HDAC9: variants seen among roughly 807,000 people sequenced by gnomAD.
HDAC9 encodes histone deacetylase 9.
In HDAC9, 41 loss-of-function variants were observed where a neutral mutation model predicts 139.4. The observed-to-expected ratio is 0.29, with a 90% CI of 0.23 to 0.38. The LOEUF (loss-of-function observed/expected upper bound fraction) is 0.38. Among genes scored for constraint, HDAC9 ranks in the 10% least tolerant of loss-of-function variants. The pLI is 1.00. For synonymous variants in HDAC9, 517 were observed against 476.2 expected (o/e 1.09, Z -1.12); for missense variants, 1,147 against 1,297.0 (o/e 0.88, Z 1.78).
At chr7:18,126,014 C>A (rs192435359) in intron 1 of HDAC9, among the ~76,000 whole-genome samples, 3 of 152,188 alleles carry the variant, frequency 2.0e-5, no homozygotes, top group African/African-American at 7.2e-5. Flanking sequence ...TTCCTTCTTT[C>A]ATCTAGGAGA....
At chr7:18,190,269 G>C (rs754234488) in intron 2 of HDAC9, among the ~76,000 whole-genome samples, 1 of 152,090 alleles carries the variant, frequency 6.6e-6, no homozygotes, top group African/African-American at 2.4e-5. Flanking sequence ...TAGCTCATAT[G>C]TGATTGTCCA....
chr7:18,376,998 TAAAG>T, intron 1 of HDAC9, among the ~76,000 whole-genome samples: 1 of 152,252 alleles, frequency 6.6e-6, no homozygotes, highest in Non-Finnish European at 1.5e-5. Context: ...ATTGATGAAT[TAAAG>T]AGACTGTAAA....
intron 1 of HDAC9, among the ~76,000 whole-genome samples, chr7:18,113,702 A>G (rs1783778698): frequency 6.6e-6 from 1 of 152,242 alleles, no homozygotes; most frequent in African/African-American, 2.4e-5. Context: ...AGAAATGCAT[A>G]ACATTTTGCT....
intron 12 of HDAC9, among the ~76,000 whole-genome samples, chr7:18,719,941 C>G (rs1785018321): frequency 6.6e-6 from 1 of 152,162 alleles, no homozygotes; most frequent in African/African-American, 2.4e-5. Context: ...TGTTGAAAAT[C>G]AATTCATCGT....
intron 1 of HDAC9, among the ~76,000 whole-genome samples, chr7:18,410,824 G>T (rs1372230948): frequency 6.6e-6 from 1 of 152,072 alleles, no homozygotes; most frequent in Non-Finnish European, 1.5e-5. Context: ...AATTGTGTAT[G>T]TACTCCAAAT....
At chr7:18,390,794 A>G (rs530977499) in intron 1 of HDAC9, among the ~76,000 whole-genome samples, 1 of 152,326 alleles carries the variant, frequency 6.6e-6, no homozygotes, top group African/African-American at 2.4e-5. Flanking sequence ...AAGATTAGAA[A>G]ACATTGTGTT....
intron 13 of HDAC9, among the ~76,000 whole-genome samples, chr7:18,736,149 T>C (rs918161622): frequency 6.6e-6 from 1 of 152,064 alleles, no homozygotes; most frequent in Admixed American, 6.6e-5. Flanking sequence ...GACGATAGGG[T>C]TTTCTAAATA....
At chr7:18,889,441 TA>T (rs34392281) in intron 22 of HDAC9, among the ~76,000 whole-genome samples, 2,328 of 151,520 alleles carry the variant, frequency 0.015, 74 homozygotes, top group African/African-American at 0.053. Context: ...TGGAGTGATT[TA>T]AAAAAAAATG....
chr7:18,369,343 A>G (rs185074236), intron 1 of HDAC9, among the ~76,000 whole-genome samples: 1 of 152,112 alleles, frequency 6.6e-6, no homozygotes, highest in East Asian at 1.9e-4. Flanking sequence ...CTGTATCATT[A>G]TTTTCTATAG....
At chr7:18,343,806 G>T (rs553217150) in intron 1 of HDAC9, among the ~76,000 whole-genome samples, 1 of 151,636 alleles carries the variant, frequency 6.6e-6, no homozygotes, top group African/African-American at 2.4e-5. Flanking sequence ...TAGTAAATTC[G>T]CCTTTATATA....
At chr7:18,299,458 T>C (rs1177607303) in intron 1 of HDAC9, among the ~76,000 whole-genome samples, 1 of 152,194 alleles carries the variant, frequency 6.6e-6, no homozygotes, top group African/African-American at 2.4e-5. Flanking sequence ...CTGTGTTTAA[T>C]GATACCACAC....
In HDAC9 at chr7:18,438,816, A is replaced by C. The variant is rs527357339; in HGVS notation, c.-41-57446A>C. ...GAGAGGGACTTTCCCTTTTTATTCT[A>C]TAAATGTATGAATTATTTTCATTTT... On this transcript the variant is annotated intron_variant, in intron 1 of 3. Transcript: ENST00000413509. 5.4e-4 allele frequency among the ~76,000 whole-genome samples: 82 copies of C among 152,312 alleles called. 1 individual carries two copies. The highest frequency in any genetic ancestry group is 1.9e-3 in the African/African-American group (77 of 41,574).
At chr7:18,935,785 A>T (rs1585350644) in intron 22 of HDAC9, 24 bp from the exon 23 acceptor site, 1 of 1,604,896 alleles carries the variant, frequency 6.2e-7, no homozygotes, top group East Asian at 2.2e-5. Flanking sequence ...AATACTTTGA[A>T]ATGTTCTGTT....
In HDAC9 at chr7:18,735,315, C is replaced by A. The variant is rs183770481; in HGVS notation, c.1909+7558C>A. Among the ~76,000 whole-genome samples, 102 of 152,336 alleles carry A rather than the reference C, an allele frequency of 6.7e-4. 1 individual carries two copies. The highest frequency in any genetic ancestry group is 5.8e-4 in the East Asian group (3 of 5,182). On this transcript the variant is annotated intron_variant, in intron 13 of 25. Coordinates refer to ENST00000686413, the MANE Select transcript of HDAC9 (RefSeq NM_178425.4). ...TTTGTTATGAAGTCCTTGCCCATGC[C>A]TATGGCCTGAATGGTATTGCCTAGG...
intron 22 of HDAC9, among the ~76,000 whole-genome samples, chr7:18,935,076 A>G (rs923417137): frequency 6.6e-5 from 10 of 152,186 alleles, no homozygotes; most frequent in South Asian, 2.1e-4. Flanking sequence ...AAACAAGGAA[A>G]TTTAGAAAAG....
chr7:18,290,178 A>C (rs1312600619), upstream of HDAC9: 1 of 201,642 alleles, frequency 5.0e-6, no homozygotes, highest in Non-Finnish European at 1.0e-5. Flanking sequence ...TGGTTTCTGT[A>C]GTCTATTAGG....
chr7:18,447,658 A>T (rs73060381), intron 1 of HDAC9, among the ~76,000 whole-genome samples: 1 of 152,330 alleles, frequency 6.6e-6, no homozygotes, highest in African/African-American at 2.4e-5. Flanking sequence ...GTTTTTGTTA[A>T]CTATGCTTTA....
At chr7:18,370,307 T>C (rs780844292) in intron 1 of HDAC9, among the ~76,000 whole-genome samples, 1 of 151,500 alleles carries the variant, frequency 6.6e-6, no homozygotes, top group Non-Finnish European at 1.5e-5. Flanking sequence ...AGGAGTAACA[T>C]TGGCCAGGAT....
At chr7:18,233,862 C>A (rs1005970943) in intron 2 of HDAC9, among the ~76,000 whole-genome samples, 4 of 152,080 alleles carry the variant, frequency 2.6e-5, no homozygotes, top group Non-Finnish European at 4.4e-5. Flanking sequence ...ACACAAGGTC[C>A]ACATTGGAGA....
Sources: gnomAD v4.1 joint callset for allele counts (sites outside exome capture counted in the v4.1 genomes callset) on GRCh38, gnomAD v4.1.1 for gene constraint, MANE v1.5 for transcripts, NCBI Gene and HGNC (gene_info 2026-07-23, HGNC 2026-07-21) for gene names.